CELF2: variants seen among roughly 807,000 people sequenced by gnomAD.
CELF2 encodes CUGBP Elav-like family member 2.
CELF2 carries 8 observed loss-of-function variants against 62.6 expected under a neutral mutation model. The observed-to-expected ratio is 0.13, with a 90% confidence interval of 0.07 to 0.23. CELF2 has a LOEUF of 0.23. Among genes scored for constraint, CELF2 ranks in the 10% least tolerant of loss-of-function variants. The pLI, the probability that CELF2 is intolerant of heterozygous loss-of-function variation, is 1.00. For missense variants in CELF2, 333 were observed against 671.0 expected (o/e 0.50, Z 5.56); for synonymous variants, 258 against 250.0 (o/e 1.03, Z -0.30).
At chr10:10,851,079 T>A (rs1026942806) in intron 1 of CELF2, among the ~76,000 whole-genome samples, 1 of 152,214 alleles carries the variant, frequency 6.6e-6, no homozygotes, top group Admixed American at 6.5e-5. Flanking sequence ...GTGCTGGGAT[T>A]ACAGGTGTGA....
the CELF2 span, among the ~76,000 whole-genome samples, chr10:10,503,882 C>T: frequency 6.6e-6 from 1 of 151,900 alleles, no homozygotes; most frequent in African/African-American, 2.4e-5. Flanking sequence ...ATAGCATTTT[C>T]AAGTGTATCT....
chr10:10,593,426 G>A, the CELF2 span, among the ~76,000 whole-genome samples: 4 of 152,196 alleles, frequency 2.6e-5, no homozygotes, highest in African/African-American at 9.7e-5. Context: ...AAGATGAAAA[G>A]TTCTCAGAGA....
At chr10:10,819,332 G>A (rs893218555) in intron 1 of CELF2, among the ~76,000 whole-genome samples, 22 of 152,158 alleles carry the variant, frequency 1.4e-4, no homozygotes, top group African/African-American at 5.1e-4. Flanking sequence ...AAGGTCAGAC[G>A]CAGCGCTCTG....
In CELF2 at chr10:11,295,386, A is replaced by G. The variant is rs562691832; in HGVS notation, c.976+6834A>G. Among the ~76,000 whole-genome samples, 179 of 152,364 alleles carry G rather than the reference A, an allele frequency of 1.2e-3. 2 individuals are homozygous for G. Among genetic ancestry groups the G allele is most frequent in the Non-Finnish European group, 5.4e-4 (37 of 68,030 alleles). On this transcript the variant is annotated intron_variant, in intron 9 of 12. Transcript: ENST00000633077. ...TTACTGAATTCACACCATGGTAAAA[A>G]CAATTTGAATAGCCTTTAAGTATAA...
intron 1 of CELF2, among the ~76,000 whole-genome samples, chr10:10,881,852 G>A (rs2061457765): frequency 6.6e-6 from 1 of 152,210 alleles, no homozygotes; most frequent in Non-Finnish European, 1.5e-5. Flanking sequence ...TTTCCGAAGT[G>A]TAGGCATGAC....
At chr10:11,209,496 A>G (rs904620150) in intron 2 of CELF2, among the ~76,000 whole-genome samples, 7 of 149,486 alleles carry the variant, frequency 4.7e-5, no homozygotes, top group Admixed American at 1.3e-4. Flanking sequence ...TAAGAATGTC[A>G]TTTTGTCATT....
At chr10:10,505,845 T>C in the CELF2 span, among the ~76,000 whole-genome samples, 1 of 152,244 alleles carries the variant, frequency 6.6e-6, no homozygotes, top group African/African-American at 2.4e-5. Context: ...CTTTTTAAAA[T>C]GTGCCTATTG....
chr10:11,132,508 G>T (rs1265017003), intron 1 of CELF2, among the ~76,000 whole-genome samples: 7 of 152,162 alleles, frequency 4.6e-5, no homozygotes, highest in Non-Finnish European at 8.8e-5. Flanking sequence ...GGGCAATAAA[G>T]GTAGAATCCT....
the CELF2 span, among the ~76,000 whole-genome samples, chr10:10,696,760 G>A: frequency 6.6e-5 from 10 of 152,284 alleles, no homozygotes; most frequent in Non-Finnish European, 1.2e-4. Context: ...GGAGTGACTC[G>A]ATTTTCCAGG....
At chr10:10,954,642 A>C (rs2048708171) in intron 2 of CELF2, among the ~76,000 whole-genome samples, 1 of 152,222 alleles carries the variant, frequency 6.6e-6, no homozygotes, top group Non-Finnish European at 1.5e-5. Context: ...TTGTTCGAAA[A>C]GACTTATTTA....
chr10:10,503,400 C>A, the CELF2 span, among the ~76,000 whole-genome samples: 1 of 151,896 alleles, frequency 6.6e-6, no homozygotes, highest in Non-Finnish European at 1.5e-5. Context: ...TATTTTGCAA[C>A]CCTGTGCTTG....
At chr10:11,216,980 G>GT (rs2063520957) in intron 2 of CELF2, among the ~76,000 whole-genome samples, 1 of 152,264 alleles carries the variant, frequency 6.6e-6, no homozygotes, top group Non-Finnish European at 1.5e-5. Flanking sequence ...TTATAATCCA[G>GT]TTGTCTGAAG....
At chr10:11,141,623 A>G (rs1470465610) in intron 1 of CELF2, among the ~76,000 whole-genome samples, 1 of 152,194 alleles carries the variant, frequency 6.6e-6, no homozygotes, top group Non-Finnish European at 1.5e-5. Context: ...TACAAAAGCA[A>G]CAGTCCTCAG....
At chr10:10,470,741 C>T in the CELF2 span, among the ~76,000 whole-genome samples, 1 of 151,024 alleles carries the variant, frequency 6.6e-6, no homozygotes, top group African/African-American at 2.4e-5. Context: ...GAATAATCTC[C>T]CTATCTCAAA....
the CELF2 span, among the ~76,000 whole-genome samples, chr10:10,586,757 C>T: frequency 6.6e-6 from 1 of 152,106 alleles, no homozygotes; most frequent in African/African-American, 2.4e-5. Flanking sequence ...ATACAGATCT[C>T]AGAACCCATC....
chr10:10,737,150 T>A, the CELF2 span, among the ~76,000 whole-genome samples: 1 of 152,310 alleles, frequency 6.6e-6, no homozygotes, highest in South Asian at 2.1e-4. Context: ...TACTTTAATG[T>A]GTTTGTTGGT....
At chr10:10,558,204 G>A in the CELF2 span, among the ~76,000 whole-genome samples, 22 of 152,104 alleles carry the variant, frequency 1.4e-4, no homozygotes, top group Non-Finnish European at 2.4e-4. Flanking sequence ...TTTGAAATGC[G>A]TCCCATCAAT....
At position 10,892,686 on chromosome 10, in the gene CELF2, T is replaced by C. The variant is rs115685786; in HGVS notation, c.54-27278T>C. ...AACTATCTGGGACATGCAGTGAACT[T>C]GGACAATGTGTCATTCCCCAGATCT... On this transcript the variant is annotated intron_variant, in intron 1 of 13. Coordinates refer to the CELF2 transcript ENST00000636488. Among the ~76,000 whole-genome samples, 389 of 152,328 alleles carry C rather than the reference T, an allele frequency of 2.6e-3. 2 individuals carry two copies. Among genetic ancestry groups the C allele is most frequent in the African/African-American group, 8.9e-3 (370 of 41,576 alleles).
Position 11,098,095 on chromosome 10 carries a change from G to A in CELF2, c.75-67391G>A, listed in dbSNP as rs2050409677. The A allele has an allele frequency of 6.6e-6, 1 of 152,448 alleles. No homozygotes were observed. Among genetic ancestry groups the A allele is most frequent in the African/African-American group, 2.4e-5 (1 of 41,474 alleles). 9.4% of individuals were successfully genotyped at this position (152,448 alleles called of 1,614,324 possible). A position where few individuals can be genotyped will look rare whatever the true frequency, so the allele number is the denominator to read the frequency against. On this transcript the variant is annotated intron_variant, in intron 1 of 12. Coordinates refer to ENST00000633077, the MANE Select transcript of CELF2 (RefSeq NM_001326342.2). This position sits in a 1 kb window ranked among gnomAD's most constrained non-coding sequence, Gnocchi z 4.0. ...ACCAGAAAAGCAAATTCAGGATGAT[G>A]TGAGAAAGAAAGTCACGTGGCTAGT...
Sources: gnomAD v4.1 joint callset for allele counts (sites outside exome capture counted in the v4.1 genomes callset) on GRCh38, gnomAD v4.1.1 for gene constraint, Gnocchi (gnomAD v3.1) non-coding constraint, MANE v1.5 for transcripts, NCBI Gene and HGNC (gene_info 2026-07-23, HGNC 2026-07-21) for gene names.